Variants in KCNH7 observed in about 807,000 individuals in gnomAD.
KCNH7 encodes the protein potassium voltage-gated channel subfamily H member 7.
In KCNH7, 49 loss-of-function variants were observed where a neutral mutation model predicts 120.8. The observed-to-expected ratio is 0.41, with a 90% confidence interval of 0.32 to 0.51. The LOEUF (loss-of-function observed/expected upper bound fraction) is 0.51, where lower values mean the gene tolerates loss of function less well. KCNH7 is among the 20% of genes least tolerant of loss of function. The pLI is 0.38. For missense variants in KCNH7, 1,097 were observed against 1,446.6 expected (o/e 0.76, Z 3.92); for synonymous variants, 547 against 516.1 (o/e 1.06, Z -0.81).
chr2:162,782,424 A>G (rs1487589682), intron 2 of KCNH7, among the ~76,000 whole-genome samples: 1 of 152,190 alleles, frequency 6.6e-6, no homozygotes, highest in African/African-American at 2.4e-5. Context: ...TCATGTGGCT[A>G]TTTTGGAGAA....
intron 6 of KCNH7, among the ~76,000 whole-genome samples, chr2:162,448,692 A>C (rs1251947076): frequency 6.6e-6 from 1 of 152,100 alleles, no homozygotes; most frequent in African/African-American, 2.4e-5. Flanking sequence ...TGCAAACAGC[A>C]ATCTTGGAAC....
intron 10 of KCNH7, among the ~76,000 whole-genome samples, chr2:162,398,383 C>T (rs368577939): frequency 1.2e-4 from 18 of 151,638 alleles, no homozygotes; most frequent in African/African-American, 4.1e-4. Flanking sequence ...TAAGAAAAAT[C>T]GACATTAGAA....
At chr2:162,515,915 G>C (rs555095080) in intron 4 of KCNH7, among the ~76,000 whole-genome samples, 3 of 151,626 alleles carry the variant, frequency 2.0e-5, no homozygotes, top group Admixed American at 1.3e-4. Flanking sequence ...CACCTCTTCT[G>C]CCTTCTCTAC....
At chr2:162,542,633 C>G (rs1306366618) in intron 2 of KCNH7, among the ~76,000 whole-genome samples, 1 of 151,988 alleles carries the variant, frequency 6.6e-6, no homozygotes, top group Non-Finnish European at 1.5e-5. Context: ...GCCACATTTC[C>G]TTAATCCGGT....
chr2:162,791,023 T>C (rs944618988), intron 2 of KCNH7, among the ~76,000 whole-genome samples: 1 of 152,054 alleles, frequency 6.6e-6, no homozygotes, highest in Admixed American at 6.6e-5. Context: ...AGGGAAGAAG[T>C]TAAATTGTCT....
chr2:162,583,399 C>A (rs938762230), intron 2 of KCNH7, among the ~76,000 whole-genome samples: 1 of 152,066 alleles, frequency 6.6e-6, no homozygotes, highest in African/African-American at 2.4e-5. Flanking sequence ...TATATAATTA[C>A]ATTTTCTCCA....
chr2:162,793,406 T>C (rs989037343), intron 2 of KCNH7, among the ~76,000 whole-genome samples: 4 of 151,700 alleles, frequency 2.6e-5, no homozygotes, highest in Admixed American at 2.6e-4. Context: ...TGAAACAAGT[T>C]TACCTATATA....
At chr2:162,690,387 T>TA (rs71410028) in intron 2 of KCNH7, among the ~76,000 whole-genome samples, 25,756 of 151,858 alleles carry the variant, frequency 0.17, 2,527 homozygotes, top group East Asian at 0.46. Context: ...AAATAAAAGT[T>TA]AAAAAAAAGT....
At chr2:162,478,699 T>C (rs1473662281) in intron 6 of KCNH7, among the ~76,000 whole-genome samples, 2 of 152,140 alleles carry the variant, frequency 1.3e-5, no homozygotes, top group Non-Finnish European at 2.9e-5. Context: ...TTGAAGGCCT[T>C]ATGACACACT....
chr2:162,561,160 T>A (rs1211194980), intron 2 of KCNH7, among the ~76,000 whole-genome samples: 4 of 152,196 alleles, frequency 2.6e-5, no homozygotes, highest in Non-Finnish European at 5.9e-5. Context: ...TTTTTGTTTA[T>A]ATTCTATCAA....
At chr2:162,511,548 G>C (rs1691074555) in intron 5 of KCNH7, among the ~76,000 whole-genome samples, 1 of 150,066 alleles carries the variant, frequency 6.7e-6, no homozygotes, top group Admixed American at 6.7e-5. Flanking sequence ...GGGTCAACCT[G>C]CATAGACCCT....
chr2:162,744,733 T>C (rs1309745233), intron 2 of KCNH7, among the ~76,000 whole-genome samples: 3 of 151,990 alleles, frequency 2.0e-5, no homozygotes, highest in South Asian at 4.1e-4. Context: ...CCACCACGCC[T>C]GGCTAATTTT....
intron 2 of KCNH7, among the ~76,000 whole-genome samples, chr2:162,736,717 A>G (rs768064216): frequency 1.1e-4 from 17 of 152,128 alleles, no homozygotes; most frequent in Non-Finnish European, 1.5e-4. Context: ...TCAGAGGAAG[A>G]TAGAGAGCAT....
At chr2:162,515,241 A>T (rs1691239106) in intron 4 of KCNH7, among the ~76,000 whole-genome samples, 1 of 151,698 alleles carries the variant, frequency 6.6e-6, no homozygotes, top group African/African-American at 2.4e-5. Flanking sequence ...AGGGGGAAAA[A>T]TCGAGGATGA....
At chr2:162,687,071 T>C (rs763535905) in intron 2 of KCNH7, among the ~76,000 whole-genome samples, 1 of 152,126 alleles carries the variant, frequency 6.6e-6, no homozygotes, top group Non-Finnish European at 1.5e-5. Flanking sequence ...CTATCTTTCC[T>C]CAGTAATAAA....
intron 2 of KCNH7, among the ~76,000 whole-genome samples, chr2:162,694,766 C>T (rs1273906847): frequency 3.3e-5 from 5 of 150,408 alleles, no homozygotes; most frequent in East Asian, 1.9e-4. Flanking sequence ...TTTTTTTAGA[C>T]GGAGTCTCGC....
chr2:162,659,634 C>A (rs185838222), intron 2 of KCNH7, among the ~76,000 whole-genome samples: 79 of 152,238 alleles, frequency 5.2e-4, no homozygotes, highest in Admixed American at 3.7e-3. Context: ...TGAGCCACTG[C>A]GCCTGGCCAA....
intron 9 of KCNH7, among the ~76,000 whole-genome samples, chr2:162,411,371 A>C (rs1019626206): frequency 2.6e-5 from 4 of 152,146 alleles, no homozygotes; most frequent in Admixed American, 6.6e-5. Context: ...GAAACCAAAT[A>C]CTACATGTTC....
At chr2:162,611,155 G>T (rs1054540686) in intron 2 of KCNH7, among the ~76,000 whole-genome samples, 2 of 152,150 alleles carry the variant, frequency 1.3e-5, no homozygotes, top group Non-Finnish European at 2.9e-5. Flanking sequence ...GAGCCAGGGG[G>T]CCCACCGTGG....
Sources: allele counts gnomAD v4.1 joint callset (sites outside exome capture counted in the v4.1 genomes callset), GRCh38; gene constraint gnomAD v4.1.1; transcripts MANE v1.5; gene names NCBI Gene and HGNC (gene_info 2026-07-23, HGNC 2026-07-21).